CACNA1B: variants seen among roughly 807,000 people sequenced by gnomAD.
CACNA1B encodes calcium voltage-gated channel subunit alpha1 B.
CACNA1B carries 70 observed loss-of-function variants against 247.2 expected under a neutral mutation model. The observed-to-expected ratio is 0.28, with a 90% confidence interval of 0.23 to 0.35. The LOEUF is 0.35. CACNA1B is among the 10% of genes least tolerant of loss of function. The pLI, the probability that CACNA1B is intolerant of heterozygous loss-of-function variation, is 1.00. For synonymous variants in CACNA1B, 1,231 were observed against 1,294.4 expected (o/e 0.95, Z 1.05); for missense variants, 2,367 against 3,197.4 (o/e 0.74, Z 6.26).
chr9:138,034,948 C>T (rs1359870515), intron 20 of CACNA1B, among the ~76,000 whole-genome samples: 1 of 152,186 alleles, frequency 6.6e-6, no homozygotes, highest in Non-Finnish European at 1.5e-5. Context: ...ACCATGGCAG[C>T]CAACCTCATA....
At chr9:138,074,152 C>A in intron 34 of CACNA1B, 86 bp downstream of exon 34, 2 of 952,300 alleles carry the variant, frequency 2.1e-6, no homozygotes, top group Non-Finnish European at 3.4e-6. Flanking sequence ...GTCAAATCAT[C>A]GTCATAATCA....
Position 138,057,648 on chromosome 9 carries a change from C to T in CACNA1B, c.3969-84C>T, listed in dbSNP as rs1258457075. ...TGTTGGAGAGGCCATTCTTTCCCCA[C>T]GGAATGGTTTCAACACTCTTGATAG... On this transcript the variant is annotated intron_variant, in intron 26 of 46. Coordinates refer to ENST00000371372, the MANE Select transcript of CACNA1B (RefSeq NM_000718.4). This position sits in a 1 kb window ranked among gnomAD's most constrained non-coding sequence, Gnocchi z 4.0. 8.8e-6 allele frequency: 12 copies of T among 1,358,798 alleles called. No individual in the cohort carries two copies. Among genetic ancestry groups the T allele is most frequent in the African/African-American group, 4.3e-5 (3 of 69,620 alleles). 84.2% of individuals were successfully genotyped at this position (1,358,798 alleles called of 1,614,324 possible).
chr9:137,918,655 T>A (rs1957444472), intron 6 of CACNA1B, among the ~76,000 whole-genome samples: 1 of 152,164 alleles, frequency 6.6e-6, no homozygotes, highest in African/African-American at 2.4e-5. Context: ...GGTGGCATGA[T>A]GGTGGACAGG....
chr9:137,908,900 G>T (rs950583251), intron 3 of CACNA1B, among the ~76,000 whole-genome samples: 1 of 152,028 alleles, frequency 6.6e-6, no homozygotes, highest in Non-Finnish European at 1.5e-5. Context: ...CAAAGTGCTG[G>T]GATTATGGGC....
chr9:138,046,859 C>G, intron 21 of CACNA1B, 45 bp from the exon 22 acceptor site: 2 of 1,589,282 alleles, frequency 1.3e-6, no homozygotes, highest in Non-Finnish European at 1.7e-6. Context: ...AGGGGTGGCG[C>G]GCCCGGCTGG....
intron 21 of CACNA1B, among the ~76,000 whole-genome samples, chr9:138,044,580 G>A (rs1452658242): frequency 6.6e-6 from 1 of 152,254 alleles, no homozygotes; most frequent in Non-Finnish European, 1.5e-5. Flanking sequence ...AGATGAGAAG[G>A]TCAGGTGGGG....
intron 3 of CACNA1B, among the ~76,000 whole-genome samples, chr9:137,904,226 G>A (rs753603554): frequency 1.3e-5 from 2 of 152,040 alleles, no homozygotes; most frequent in Non-Finnish European, 2.9e-5. Flanking sequence ...GAATCATCCT[G>A]TAAGGCATGT....
At chr9:138,026,556 A>G (rs1173099270) in intron 20 of CACNA1B, among the ~76,000 whole-genome samples, 3 of 152,110 alleles carry the variant, frequency 2.0e-5, no homozygotes, top group African/African-American at 7.2e-5. Flanking sequence ...GCTTCTTTCC[A>G]TTAGCAATAT....
At position 138,054,453 on chromosome 9, in the gene CACNA1B, G is replaced by T. The variant is rs1959418605; in HGVS notation, c.3968+447G>T. Among the ~76,000 whole-genome samples, 1 of 152,226 alleles carries T rather than the reference G, an allele frequency of 6.6e-6. No individual in the cohort carries two copies. Among genetic ancestry groups the T allele is most frequent in the African/African-American group, 2.4e-5 (1 of 41,468 alleles). ...GCTGCCTCCAAAGTAGACAGGAGAGGGGCCCTTGGGGAAGAGCTGGGGGAA... is the reference window on the plus strand; with the variant it reads ...GCTGCCTCCAAAGTAGACAGGAGAGTGGCCCTTGGGGAAGAGCTGGGGGAA... On this transcript the variant is annotated intron_variant, in intron 26 of 46. Transcript: ENST00000371372. The surrounding 1 kb of genome is among the most constrained non-coding windows in gnomAD (Gnocchi z 4.6).
intron 36 of CACNA1B, among the ~76,000 whole-genome samples, chr9:138,079,588 C>T (rs1960446567): frequency 6.6e-6 from 1 of 151,864 alleles, no homozygotes; most frequent in South Asian, 2.1e-4. Context: ...ACTAAAAATA[C>T]AAAAATTAGC....
At chr9:138,038,316 C>A (rs1048732147) in intron 20 of CACNA1B, among the ~76,000 whole-genome samples, 5 of 152,210 alleles carry the variant, frequency 3.3e-5, no homozygotes, top group Admixed American at 2.0e-4. Context: ...TCGTCTATGA[C>A]AGCATGTTCC....
At chr9:138,088,592 G>C (rs1414912037) in intron 36 of CACNA1B, among the ~76,000 whole-genome samples, 1 of 151,994 alleles carries the variant, frequency 6.6e-6, no homozygotes, top group Non-Finnish European at 1.5e-5. Flanking sequence ...AACCCACCAA[G>C]ATTGAACCAA....
At chr9:137,906,358 G>A (rs1957298802) in intron 3 of CACNA1B, among the ~76,000 whole-genome samples, 1 of 152,190 alleles carries the variant, frequency 6.6e-6, no homozygotes, top group South Asian at 2.1e-4. Flanking sequence ...AAGGGAGGGA[G>A]AAACTTTTCC....
chr9:138,085,337 G>T (rs1389180763), intron 36 of CACNA1B, among the ~76,000 whole-genome samples: 1 of 150,656 alleles, frequency 6.6e-6, no homozygotes, highest in Non-Finnish European at 1.5e-5. Flanking sequence ...TTAGTAAGAG[G>T]GAAAGAAAAG....
chr9:137,899,898 C>G lies in CACNA1B; in HGVS notation c.531-13282C>G, dbSNP rs1336868692. Among the ~76,000 whole-genome samples, 1 of 152,166 alleles carries G rather than the reference C, an allele frequency of 6.6e-6. No homozygotes were observed. The highest frequency in any genetic ancestry group is 1.5e-5 in the Non-Finnish European group (1 of 68,014). The stretch of plus-strand genomic sequence containing the variant: ...GGCTCAGCGCAGACCCTCTGAGGGG[C>G]TGGTCCAGGTTGATGGGGCGTGGGT... On this transcript the variant is annotated intron_variant, in intron 3 of 46. Coordinates refer to ENST00000371372, the MANE Select transcript of CACNA1B (RefSeq NM_000718.4). This position sits in a 1 kb window ranked among gnomAD's most constrained non-coding sequence, Gnocchi z 5.0.
intron 6 of CACNA1B, among the ~76,000 whole-genome samples, chr9:137,925,875 TG>T (rs917001540): frequency 7.9e-5 from 12 of 151,196 alleles, no homozygotes; most frequent in Non-Finnish European, 1.8e-4. Context: ...CCGGAGTAGC[TG>T]GGACTACAGG....
chr9:138,099,719 T>C (rs182983498), intron 37 of CACNA1B, among the ~76,000 whole-genome samples: 2 of 152,226 alleles, frequency 1.3e-5, no homozygotes, highest in Admixed American at 1.3e-4. Context: ...CACATGTCTG[T>C]GGTGTACACG....
Position 138,050,119 on chromosome 9 carries a change from G to C in CACNA1B, c.3710+804G>C, listed in dbSNP as rs1278474858. 15 of 1,283,930 alleles carry C rather than the reference G, an allele frequency of 1.2e-5. No homozygotes were observed. Among genetic ancestry groups the C allele is most frequent in the Non-Finnish European group, 1.5e-5 (15 of 983,502 alleles). The allele number at this position is 1,283,930 out of a possible 1,614,324, so 79.5% of individuals were successfully genotyped here. ...CTTCTCTCCCCCACACGCTGCCCCT[G>C]ACATCACAGCATTCCAGCAGCCCCT... On this transcript the variant is annotated intron_variant, in intron 24 of 46. Coordinates refer to ENST00000371372, the MANE Select transcript of CACNA1B (RefSeq NM_000718.4). This position sits in a 1 kb window ranked among gnomAD's most constrained non-coding sequence, Gnocchi z 5.2.
chr9:137,937,662 G>C (rs1342663868), intron 6 of CACNA1B, among the ~76,000 whole-genome samples: 2 of 152,040 alleles, frequency 1.3e-5, no homozygotes, highest in African/African-American at 4.8e-5. Context: ...TAAGATGAAG[G>C]AGGCTGGGTG....
Sources: allele counts gnomAD v4.1 joint callset (sites outside exome capture counted in the v4.1 genomes callset), GRCh38; gene constraint gnomAD v4.1.1; non-coding constraint Gnocchi (gnomAD v3.1); transcripts MANE v1.5; gene names NCBI Gene and HGNC (gene_info 2026-07-23, HGNC 2026-07-21).